The following KMO variants were observed in gnomAD, a reference collection of about 807,000 sequenced individuals.
KMO encodes the protein kynurenine 3-monooxygenase, also known as kynurenine 3-hydroxylase.
Under a neutral mutation model 57.8 loss-of-function variants are expected in KMO, and 24 were observed. The observed-to-expected ratio is 0.42, with a 90% confidence interval of 0.30 to 0.58. The LOEUF is 0.58. Among genes scored for constraint, KMO ranks in the 20% least tolerant of loss-of-function variants. KMO has a pLI of 0.22. For missense variants in KMO, 483 were observed against 588.2 expected (o/e 0.82, Z 1.85); for synonymous variants, 210 against 193.6 (o/e 1.08, Z -0.70).
chr1:241,539,834 C>G (rs1660896051), intron 1 of KMO, among the ~76,000 whole-genome samples: 1 of 144,080 alleles, frequency 6.9e-6, no homozygotes, highest in African/African-American at 2.6e-5. Context: ...GTTTCAATCC[C>G]TTTTATTCAA....
intron 10 of KMO, among the ~76,000 whole-genome samples, chr1:241,582,197 C>G (rs1662779438): frequency 6.6e-6 from 1 of 152,110 alleles, no homozygotes; most frequent in African/African-American, 2.4e-5. Flanking sequence ...AGGATCCTTT[C>G]TTTATCCTTG....
intron 10 of KMO, among the ~76,000 whole-genome samples, chr1:241,581,960 G>A (rs1026012089): frequency 2.6e-5 from 4 of 152,036 alleles, no homozygotes; most frequent in African/African-American, 9.7e-5. Context: ...CGGATCTGGT[G>A]TTGATGAAAT....
chr1:241,538,069 G>T (rs1660810278), intron 1 of KMO, among the ~76,000 whole-genome samples: 1 of 152,172 alleles, frequency 6.6e-6, no homozygotes, highest in Non-Finnish European at 1.5e-5. Flanking sequence ...GGTGGTCTAA[G>T]GTGTGGGGAA....
At chr1:241,555,509 C>A in intron 4 of KMO, 103 bp from the exon 5 acceptor site, 1 of 617,586 alleles carries the variant, frequency 1.6e-6, no homozygotes, top group Non-Finnish European at 2.8e-6. Flanking sequence ...AGCTTGCAAC[C>A]CTCTGCTAAA....
At position 241,592,082 on chromosome 1, in the gene KMO, C is replaced by T. The variant is rs749019145; in HGVS notation, c.1390C>T (p.Arg464Trp). Residue 464 changes from arginine to tryptophan, a missense_variant, in exon 15 of 15, where the codon CGG becomes TGG. Physicochemically the swap from Arg to Trp is moderately radical, Grantham distance 101. Transcript: ENST00000366559. Reference sequence around the variant, plus strand: ...ACCATGGAACTGGATAGCTCACTTCCGGAATACAACATGTTTCCCCGCAAA... The same window carrying T: ...ACCATGGAACTGGATAGCTCACTTCTGGAATACAACATGTTTCCCCGCAAA... ...RRPWNWIAHF[R>W]NTTCFPAKAV... is the part of the protein sequence containing the mutation. The T allele has an allele frequency of 2.2e-5, 35 of 1,613,942 alleles. No individual in the cohort carries two copies. Among genetic ancestry groups the T allele is most frequent in the Admixed American group, 3.3e-5 (2 of 60,006 alleles).
At chr1:241,543,723 C>T (rs1283868124) in intron 1 of KMO, among the ~76,000 whole-genome samples, 1 of 152,122 alleles carries the variant, frequency 6.6e-6, no homozygotes, top group Non-Finnish European at 1.5e-5. Flanking sequence ...TCCCATTAGG[C>T]CTCATCTTCT....
In KMO at chr1:241,575,607, T is replaced by C. The variant is rs138412153; in HGVS notation, c.957+6960T>C. On this transcript the variant is annotated intron_variant, in intron 10 of 14. Coordinates refer to ENST00000366559, the MANE Select transcript of KMO (RefSeq NM_003679.5). ...TTCCTTTTGGAATTAATCTTGAGTT[T>C]AATTTTCCACTGTGGGCTGAGAAGA... Among the ~76,000 whole-genome samples, 466 of 152,196 alleles carry C rather than the reference T, an allele frequency of 3.1e-3. 2 individuals are homozygous for C. The highest frequency in any genetic ancestry group is 0.011 in the African/African-American group (437 of 41,564).
At chr1:241,572,713 G>A (rs986057323) in intron 10 of KMO, among the ~76,000 whole-genome samples, 1 of 151,954 alleles carries the variant, frequency 6.6e-6, no homozygotes, top group Non-Finnish European at 1.5e-5. Context: ...TTATATAGTG[G>A]TGAAGTCTGA....
intron 1 of KMO, among the ~76,000 whole-genome samples, chr1:241,548,045 C>T (rs2147947003): frequency 6.7e-6 from 1 of 149,504 alleles, no homozygotes; most frequent in Non-Finnish European, 1.5e-5. Flanking sequence ...ATAAATGAAT[C>T]CCACAATGTT....
chr1:241,565,058 G>A lies in KMO; in HGVS notation c.687G>A (p.Met229Ile), dbSNP rs1662024120. ...NTFMMIALPN[M>I]NKSFTCTLFM... ...TTATGATGATTGCACTTCCTAACAT[G>A]GTAGTATAGAATTTTTTATCAACTG... The change falls in exon 8 of 15, where the codon ATG (methionine) becomes ATA (isoleucine). Residue 229 changes from methionine to isoleucine, a missense_variant and splice_region_variant. This residue lies in a region of KMO where 410 missense variants were observed against 492.3 expected (regional missense o/e 0.83). Transcript: ENST00000366559. 1.3e-6 allele frequency: 2 copies of A among 1,563,644 alleles called. No individual in the cohort carries two copies. The highest frequency in any genetic ancestry group is 2.7e-5 in the African/African-American group (2 of 73,780).
intron 10 of KMO, among the ~76,000 whole-genome samples, chr1:241,573,469 A>T (rs1165234695): frequency 1.3e-5 from 2 of 152,066 alleles, no homozygotes; most frequent in East Asian, 3.8e-4. Flanking sequence ...AGAGACAGGG[A>T]TTCAGTTTCA....
chr1:241,593,427 T>A lies in KMO; in HGVS notation c.*1274T>A, dbSNP rs773400433. 8.6e-4 allele frequency: 328 copies of A among 381,076 alleles called. No homozygotes were observed. Among genetic ancestry groups the A allele is most frequent in the Non-Finnish European group, 1.6e-3 (272 of 166,400 alleles). 23.6% of individuals were successfully genotyped at this position (381,076 alleles called of 1,614,324 possible). A position where few individuals can be genotyped will look rare whatever the true frequency, so the allele number is the denominator to read the frequency against. ...TTATGAAGATGAAACACTAGAGTCA[T>A]ATAAGAAATAAAAATTGGGCAATAA... On this transcript the variant is annotated 3_prime_UTR_variant, in exon 15 of 15. Transcript: ENST00000366559.
intron 7 of KMO, among the ~76,000 whole-genome samples, chr1:241,562,691 T>G (rs1322875245): frequency 2.0e-5 from 3 of 151,986 alleles, no homozygotes; most frequent in African/African-American, 7.2e-5. Flanking sequence ...AATACAAAAA[T>G]TAGCCAGGGA....
chr1:241,565,592 G>A (rs1662044866), intron 8 of KMO, among the ~76,000 whole-genome samples: 1 of 150,238 alleles, frequency 6.7e-6, no homozygotes, highest in East Asian at 2.0e-4. Flanking sequence ...GCCAGGCATG[G>A]TGACACGTGC....
At chr1:241,582,541 T>A (rs2147979577) in intron 10 of KMO, among the ~76,000 whole-genome samples, 1 of 152,328 alleles carries the variant, frequency 6.6e-6, no homozygotes, top group African/African-American at 2.4e-5. Context: ...GTTTGATCAA[T>A]TCTGCTGTTG....
Position 241,579,213 on chromosome 1 carries a change from G to T in KMO, c.958-7466G>T, listed in dbSNP as rs187118880. On this transcript the variant is annotated intron_variant, in intron 10 of 14. Transcript: ENST00000366559. ...CTGTGTCAGTTGGCTTCTGCCAGGT[G>T]GTTGTACTTGCAAAAGAGCACCAGG... 1.6e-4 allele frequency among the ~76,000 whole-genome samples: 25 copies of T among 152,212 alleles called. No homozygotes were observed. In the East Asian group the frequency reaches 4.6e-3, roughly 28 times the overall value.
In KMO at chr1:241,584,969, T is replaced by C. The variant is rs149548825; in HGVS notation, c.958-1710T>C. Among the ~76,000 whole-genome samples, 421 of 152,306 alleles carry C rather than the reference T, an allele frequency of 2.8e-3. 1 individual carries two copies. The highest frequency in any genetic ancestry group is 0.01 in the Middle Eastern group (3 of 294). The stretch of plus-strand genomic sequence containing the variant: ...GGCCAGGTGTGGTGGCTCACGCCTG[T>C]AATCCCAGCACTTTGGGAGACCGAG... On this transcript the variant is annotated intron_variant, in intron 10 of 14. Coordinates refer to ENST00000366559, the MANE Select transcript of KMO (RefSeq NM_003679.5).
intron 10 of KMO, among the ~76,000 whole-genome samples, chr1:241,578,928 G>A (rs1662643932): frequency 6.6e-6 from 1 of 151,988 alleles, no homozygotes; most frequent in Admixed American, 6.6e-5. Flanking sequence ...CAAGTGAAAG[G>A]GTTTTCCCTT....
chr1:241,539,788 G>A (rs1378436416), intron 1 of KMO, among the ~76,000 whole-genome samples: 1 of 152,158 alleles, frequency 6.6e-6, no homozygotes, highest in Non-Finnish European at 1.5e-5. Flanking sequence ...CAACGGGGCA[G>A]GTAGAAGGAG....
Sources: gnomAD v4.1 joint callset for allele counts (sites outside exome capture counted in the v4.1 genomes callset) on GRCh38, gnomAD v4.1.1 for gene constraint, gnomAD v4.1.1 regional missense constraint, MANE v1.5 for transcripts, NCBI Gene and HGNC (gene_info 2026-07-23, HGNC 2026-07-21) for gene names.